Variants in STARD13 observed in about 807,000 individuals in gnomAD.
STARD13 encodes the protein StAR related lipid transfer domain containing 13, also known as stAR-related lipid transfer protein 13.
In STARD13, 62 loss-of-function variants were observed where a neutral mutation model predicts 106.4. That is an observed-to-expected ratio of 0.58 (90% CI 0.48 to 0.72). STARD13 has a LOEUF of 0.72. Ranked by LOEUF, STARD13 falls within the 30% of genes least tolerant of loss-of-function variation. The pLI, the probability that STARD13 is intolerant of heterozygous loss-of-function variation, is 0.00. For missense variants in STARD13, 1,387 were observed against 1,424.0 expected (o/e 0.97, Z 0.42); for synonymous variants, 565 against 553.0 (o/e 1.02, Z -0.31).
At chr13:33,165,490 A>G in intron 2 of STARD13, 72 bp from the exon 3 acceptor site, 4 of 1,174,374 alleles carry the variant, frequency 3.4e-6, no homozygotes, top group Non-Finnish European at 3.8e-6. Context: ...TCAGACCTTC[A>G]AGGTCTGTAA....
the STARD13 span, among the ~76,000 whole-genome samples, chr13:33,519,262 TTC>T: frequency 6.7e-6 from 1 of 149,618 alleles, no homozygotes; most frequent in African/African-American, 2.5e-5. Flanking sequence ...CTTTCTTTCT[TTC>T]TTTCTTTCTT....
intron 1 of STARD13, chr13:33,205,864 AC>A: frequency 1.7e-5 from 17 of 985,342 alleles, no homozygotes; most frequent in Non-Finnish European, 2.0e-5. Flanking sequence ...TTCAAACAAA[AC>A]CCCTCTCTTC....
chr13:33,327,112 T>C (rs939050789), intron 1 of STARD13, among the ~76,000 whole-genome samples: 1 of 152,176 alleles, frequency 6.6e-6, no homozygotes, highest in Admixed American at 6.5e-5. Context: ...ACCTAAGAAA[T>C]AGTTGTACAT....
At chr13:33,546,452 C>T in the STARD13 span, among the ~76,000 whole-genome samples, 2 of 152,062 alleles carry the variant, frequency 1.3e-5, no homozygotes, top group South Asian at 4.1e-4. Context: ...TTTTCTTTGT[C>T]ATTCATTGGT....
chr13:33,281,013 T>C (rs1003680293), intron 1 of STARD13: 2 of 152,176 alleles, frequency 1.3e-5, no homozygotes, highest in Admixed American at 6.5e-5. Context: ...ATAAAGCCGC[T>C]CTGTTGCCTT....
At chr13:33,576,544 C>G in the STARD13 span, among the ~76,000 whole-genome samples, 4 of 152,096 alleles carry the variant, frequency 2.6e-5, no homozygotes, top group African/African-American at 9.7e-5. Context: ...TAACGCTTCT[C>G]TCTTGAAGGC....
chr13:33,256,621 C>A (rs1890378333), intron 1 of STARD13, among the ~76,000 whole-genome samples: 1 of 152,156 alleles, frequency 6.6e-6, no homozygotes, highest in African/African-American at 2.4e-5. Flanking sequence ...CTTTGAACTG[C>A]TTTTAAATTC....
the STARD13 span, among the ~76,000 whole-genome samples, chr13:33,356,357 A>G: frequency 5.3e-5 from 8 of 152,374 alleles, no homozygotes; most frequent in Non-Finnish European, 7.3e-5. Context: ...GACCTCAAAC[A>G]TACACTGTGA....
At chr13:33,211,475 G>A (rs900514438) in intron 1 of STARD13, among the ~76,000 whole-genome samples, 1 of 152,062 alleles carries the variant, frequency 6.6e-6, no homozygotes, top group Non-Finnish European at 1.5e-5. Context: ...TGATATCTGT[G>A]ATATCAGACA....
intron 13 of STARD13, among the ~76,000 whole-genome samples, chr13:33,106,028 A>G (rs961498383): frequency 6.6e-6 from 1 of 152,256 alleles, no homozygotes; most frequent in African/African-American, 2.4e-5. Flanking sequence ...CCAGACCAAG[A>G]ACTGGGTTTA....
chr13:33,206,776 C>T (rs748655143), intron 1 of STARD13, among the ~76,000 whole-genome samples: 9 of 152,148 alleles, frequency 5.9e-5, no homozygotes, highest in African/African-American at 1.4e-4. Context: ...ACTGCATGCT[C>T]GATGGTAATC....
the STARD13 span, among the ~76,000 whole-genome samples, chr13:33,373,928 C>T: frequency 6.6e-5 from 10 of 152,086 alleles, no homozygotes; most frequent in Non-Finnish European, 1.3e-4. Flanking sequence ...CCAGCAATTC[C>T]ACTTCTGAAT....
chr13:33,479,644 C>T, the STARD13 span, among the ~76,000 whole-genome samples: 14 of 152,236 alleles, frequency 9.2e-5, no homozygotes, highest in South Asian at 4.2e-4. Context: ...TATGTGTCCT[C>T]GCCCAGATCT....
intron 1 of STARD13, among the ~76,000 whole-genome samples, chr13:33,181,090 G>T (rs560526651): frequency 6.6e-5 from 10 of 152,212 alleles, no homozygotes; most frequent in African/African-American, 2.2e-4. Context: ...TTCCTCAAAT[G>T]TGTGTGTTTA....
At chr13:33,443,685 A>G in the STARD13 span, among the ~76,000 whole-genome samples, 1 of 152,064 alleles carries the variant, frequency 6.6e-6, no homozygotes, top group East Asian at 1.9e-4. Flanking sequence ...GGAGTTCAAG[A>G]CCAGCGTGGC....
At chr13:33,254,932 C>G (rs1022750434) in intron 1 of STARD13, among the ~76,000 whole-genome samples, 1 of 152,156 alleles carries the variant, frequency 6.6e-6, no homozygotes, top group Non-Finnish European at 1.5e-5. Flanking sequence ...GGATGCTGGA[C>G]AAGAGCTCAG....
At chr13:33,199,018 C>T (rs139568768) in intron 1 of STARD13, among the ~76,000 whole-genome samples, 4 of 152,284 alleles carry the variant, frequency 2.6e-5, no homozygotes, top group Non-Finnish European at 5.9e-5. Context: ...GGTATAGTCA[C>T]GCTGAGGTTC....
At chr13:33,480,009 C>G in the STARD13 span, among the ~76,000 whole-genome samples, 1 of 152,128 alleles carries the variant, frequency 6.6e-6, no homozygotes, top group African/African-American at 2.4e-5. Context: ...TCAGGTATTT[C>G]TTTATAGCAA....
intron 1 of STARD13, among the ~76,000 whole-genome samples, chr13:33,312,531 C>T (rs994492672): frequency 6.6e-6 from 1 of 152,124 alleles, no homozygotes; most frequent in Non-Finnish European, 1.5e-5. Context: ...ACTCGGGATG[C>T]AGGTAAAAGT....
Sources: allele counts gnomAD v4.1 joint callset (sites outside exome capture counted in the v4.1 genomes callset), GRCh38; gene constraint gnomAD v4.1.1; transcripts MANE v1.5; gene names NCBI Gene and HGNC (gene_info 2026-07-23, HGNC 2026-07-21).